Variants in CNTN3 observed in about 807,000 individuals in gnomAD.
The protein encoded by CNTN3 is contactin 3.
CNTN3 carries 60 observed loss-of-function variants against 119.1 expected under a neutral mutation model. The ratio of observed to expected loss-of-function variants is 0.50; its 90% confidence interval spans 0.41 to 0.62. CNTN3 has a LOEUF of 0.62. Ranked by LOEUF, CNTN3 falls within the 20% of genes least tolerant of loss-of-function variation. The probability of loss-of-function intolerance (pLI) is 0.00; values close to 1 mark genes in which losing one functional copy is unlikely to be tolerated. For missense variants in CNTN3, 1,101 were observed against 1,242.4 expected (o/e 0.89, Z 1.71); for synonymous variants, 450 against 438.7 (o/e 1.03, Z -0.32).
At chr3:74,588,053 A>G (rs1704627634) in intron 1 of CNTN3, among the ~76,000 whole-genome samples, 1 of 152,064 alleles carries the variant, frequency 6.6e-6, no homozygotes, top group African/African-American at 2.4e-5. Context: ...TGAGACAATC[A>G]TGTGGTTTTT....
At chr3:74,580,883 T>A (rs1241370021) in intron 1 of CNTN3, among the ~76,000 whole-genome samples, 1 of 152,100 alleles carries the variant, frequency 6.6e-6, no homozygotes. Flanking sequence ...CACAATCAAC[T>A]AATTTTTAAA....
chr3:74,285,599 C>T (rs1471569394), intron 19 of CNTN3, 108 bp from the exon 20 acceptor site: 1 of 1,109,274 alleles, frequency 9.0e-7, no homozygotes, highest in South Asian at 1.5e-5. Context: ...TTTGTTCAAC[C>T]AATATTTACT....
rs1374883436 is a variant in CNTN3 at position 74,364,544 on chromosome 3, G to A, written c.1136C>T (p.Thr379Ile). The A allele has an allele frequency of 3.1e-6, 5 of 1,611,604 alleles. No homozygotes were observed. The highest frequency in any genetic ancestry group is 3.4e-6 in the Non-Finnish European group (4 of 1,178,204). Reference sequence around the variant, plus strand: ...TATGCATTGGAACATGCCAGAATCAGTCACACTTAGGTTTGATATTGTAAG... The same window carrying A: ...TATGCATTGGAACATGCCAGAATCAATCACACTTAGGTTTGATATTGTAAG... ...GALTISNLSVTDSGMFQCIAE... is the reference protein window; with the variant it reads ...GALTISNLSVIDSGMFQCIAE... Residue 379 changes from threonine (T) to isoleucine (I), a missense_variant, in exon 10 of 23, where the codon ACT (threonine) becomes ATT (isoleucine). Coordinates refer to ENST00000263665, the MANE Select transcript of CNTN3 (RefSeq NM_020872.3).
intron 20 of CNTN3, among the ~76,000 whole-genome samples, chr3:74,270,641 G>A (rs1398811350): frequency 6.6e-6 from 1 of 152,174 alleles, no homozygotes; most frequent in Non-Finnish European, 1.5e-5. Context: ...TAGTGAATTA[G>A]GAATGAGCAG....
intron 13 of CNTN3, among the ~76,000 whole-genome samples, chr3:74,303,847 G>A (rs1443720789): frequency 6.6e-6 from 1 of 152,098 alleles, no homozygotes; most frequent in Non-Finnish European, 1.5e-5. Context: ...TTAATAAAAT[G>A]ACTAACTGCA....
intron 2 of CNTN3, among the ~76,000 whole-genome samples, chr3:74,513,982 C>A (rs1216897291): frequency 2.0e-5 from 3 of 149,496 alleles, no homozygotes; most frequent in Non-Finnish European, 4.4e-5. Context: ...TTTTTTTGGT[C>A]AACATCAGGT....
chr3:74,521,712 G>A (rs1703546325), intron 1 of CNTN3, among the ~76,000 whole-genome samples: 4 of 151,822 alleles, frequency 2.6e-5, no homozygotes, highest in Non-Finnish European at 5.9e-5. Flanking sequence ...GTGTAAAACA[G>A]ATTTTAAAAT....
At chr3:74,386,000 C>T (rs1365409423) in intron 5 of CNTN3, among the ~76,000 whole-genome samples, 1 of 151,930 alleles carries the variant, frequency 6.6e-6, no homozygotes, top group Non-Finnish European at 1.5e-5. Flanking sequence ...ATTTTTTCCT[C>T]AAAAAAGTAT....
chr3:74,440,727 T>G (rs1450133664), intron 4 of CNTN3, among the ~76,000 whole-genome samples: 2 of 152,176 alleles, frequency 1.3e-5, no homozygotes, highest in Non-Finnish European at 2.9e-5. Flanking sequence ...AAGGTATACA[T>G]GTGCCATGGT....
At chr3:74,364,383 T>C in intron 10 of CNTN3, 84 bp downstream of exon 10, 1 of 1,347,144 alleles carries the variant, frequency 7.4e-7, no homozygotes, top group Non-Finnish European at 1.0e-6. Context: ...GAACCTAATG[T>C]GAAAAGTAAA....
intron 1 of CNTN3, among the ~76,000 whole-genome samples, chr3:74,539,562 T>C (rs1042620498): frequency 8.5e-5 from 13 of 152,088 alleles, no homozygotes; most frequent in African/African-American, 3.1e-4. Flanking sequence ...CCTTCACCAG[T>C]TGAAAACACC....
At chr3:74,371,060 A>T in intron 6 of CNTN3, 136 bp downstream of exon 6, 2 of 641,248 alleles carry the variant, frequency 3.1e-6, no homozygotes, top group Non-Finnish European at 5.6e-6. Context: ...TTGTCATTGT[A>T]CTCATAAAAT....
intron 4 of CNTN3, among the ~76,000 whole-genome samples, chr3:74,464,437 T>G (rs186248163): frequency 4.8e-4 from 73 of 152,252 alleles, no homozygotes; most frequent in African/African-American, 1.7e-3. Context: ...AAAGCAGAAA[T>G]GTATAATGAC....
chr3:74,340,903 A>T (rs1176995431), intron 11 of CNTN3, among the ~76,000 whole-genome samples: 1 of 152,176 alleles, frequency 6.6e-6, no homozygotes, highest in Non-Finnish European at 1.5e-5. Flanking sequence ...GCAATGAATT[A>T]GTGTAACAGC....
intron 5 of CNTN3, among the ~76,000 whole-genome samples, chr3:74,417,861 A>G (rs1701549837): frequency 6.6e-6 from 1 of 152,246 alleles, no homozygotes; most frequent in Admixed American, 6.5e-5. Context: ...CAGTATTGAC[A>G]TATTCAAAAA....
intron 1 of CNTN3, among the ~76,000 whole-genome samples, chr3:74,531,020 G>A (rs955661108): frequency 4.6e-5 from 7 of 151,936 alleles, no homozygotes; most frequent in East Asian, 3.9e-4. Context: ...CTTCTCTTCC[G>A]GGCAAAATAC....
intron 1 of CNTN3, among the ~76,000 whole-genome samples, chr3:74,587,004 G>C (rs1313043327): frequency 6.6e-6 from 1 of 151,978 alleles, no homozygotes; most frequent in Non-Finnish European, 1.5e-5. Flanking sequence ...ATTCAGGTGG[G>C]ACTTGCCCAT....
chr3:74,450,711 G>A (rs1407254617), intron 4 of CNTN3, among the ~76,000 whole-genome samples: 25 of 129,980 alleles, frequency 1.9e-4, no homozygotes, highest in African/African-American at 7.2e-4. Flanking sequence ...CCCTTCCTGT[G>A]TCCATGTGTT....
chr3:74,508,228 G>T (rs1703300155), intron 2 of CNTN3, among the ~76,000 whole-genome samples: 1 of 152,086 alleles, frequency 6.6e-6, no homozygotes, highest in Non-Finnish European at 1.5e-5. Flanking sequence ...CCTTTGCTCG[G>T]CTCTTCTCCT....
Sources: allele counts gnomAD v4.1 joint callset (sites outside exome capture counted in the v4.1 genomes callset), GRCh38; gene constraint gnomAD v4.1.1; transcripts MANE v1.5; gene names NCBI Gene and HGNC (gene_info 2026-07-23, HGNC 2026-07-21).